Variants in AKAP7 observed in about 807,000 individuals in gnomAD.
AKAP7 encodes A kinase (PRKA) anchor protein 7.
In AKAP7, 39 loss-of-function variants were observed where a neutral mutation model predicts 39.5. That is an observed-to-expected ratio of 0.99 (90% confidence interval 0.76 to 1.29). The LOEUF (loss-of-function observed/expected upper bound fraction) is 1.29. Among genes scored for constraint, AKAP7 ranks in the 50% most tolerant of loss-of-function variants. The probability of loss-of-function intolerance (pLI) is 0.00; values close to 1 mark genes in which losing one functional copy is unlikely to be tolerated. For missense variants in AKAP7, 414 were observed against 407.7 expected (o/e 1.02, Z -0.13); for synonymous variants, 140 against 139.1 (o/e 1.01, Z -0.05).
At chr6:131,163,042 G>A (rs1322176914) in intron 3 of AKAP7, among the ~76,000 whole-genome samples, 3 of 152,038 alleles carry the variant, frequency 2.0e-5, no homozygotes, top group Non-Finnish European at 4.4e-5. Flanking sequence ...CATGGCAAAA[G>A]CGTGTTTCTG....
intron 5 of AKAP7, among the ~76,000 whole-genome samples, chr6:131,193,666 T>C (rs963437387): frequency 2.6e-5 from 4 of 152,174 alleles, no homozygotes; most frequent in African/African-American, 9.6e-5. Flanking sequence ...AATTCAGCAG[T>C]GAAGACATCA....
chr6:131,165,255 T>C lies in AKAP7; in HGVS notation c.428+38T>C, dbSNP rs768224151. ...TCTTTCTTAAATATAATTTTCCAAA[T>C]TATTACTTTAATATGAGTAAGCACA... On this transcript the variant is annotated intron_variant, in intron 4 of 7. Transcript: ENST00000431975. 9.9e-6 allele frequency: 15 copies of C among 1,509,504 alleles called. No individual in the cohort carries two copies. The East Asian group carries it at 3.2e-4, about 33-fold the overall frequency. The allele number at this position is 1,509,504 out of a possible 1,614,324, so 93.5% of individuals were successfully genotyped here.
At chr6:131,230,104 G>A (rs35561719) in intron 7 of AKAP7, among the ~76,000 whole-genome samples, 43,507 of 151,838 alleles carry the variant, frequency 0.29, 6,635 homozygotes, top group Middle Eastern at 0.39. Flanking sequence ...TCATCTGGGT[G>A]TATACCCAGT....
chr6:131,254,881 A>C (rs142863471), intron 7 of AKAP7, among the ~76,000 whole-genome samples: 19 of 152,318 alleles, frequency 1.2e-4, no homozygotes, highest in African/African-American at 4.6e-4. Context: ...TACTGGGACC[A>C]TTTATAGTAC....
intron 3 of AKAP7, among the ~76,000 whole-genome samples, chr6:131,164,151 T>A (rs868072931): frequency 6.6e-6 from 1 of 152,206 alleles, no homozygotes; most frequent in Middle Eastern, 3.4e-3. Flanking sequence ...ATCTCTGCTT[T>A]TTTATGGATT....
At chr6:131,164,475 T>C (rs1486978225) in intron 3 of AKAP7, 1 of 455,582 alleles carries the variant, frequency 2.2e-6, no homozygotes, top group Non-Finnish European at 4.4e-6. Context: ...ATTCTGTTTT[T>C]CTAATGTGTG....
Position 131,199,584 on chromosome 6 carries a change from G to T in AKAP7, c.702+11G>T. The T allele has an allele frequency of 6.4e-7, 1 of 1,559,492 alleles. No individual in the cohort carries two copies. ...TGGCTCCGTAAGAATGTGAGTGCATGTTCTTATTGCAAGCCTGTTTTACCA... is the reference window on the plus strand; with the variant it reads ...TGGCTCCGTAAGAATGTGAGTGCATTTTCTTATTGCAAGCCTGTTTTACCA... On this transcript the variant is annotated intron_variant, in intron 6 of 7. Transcript: ENST00000431975.
Position 131,143,964 on chromosome 6 carries a change from T to G in AKAP7, c.20-1321T>G, listed in dbSNP as rs533176169. The stretch of plus-strand genomic sequence containing the variant: ...TAAGATTAGGGAGTGGTGATGACTC[T>G]TAACGAGCATGCTGCCTTCAAGCAT... On this transcript the variant is annotated intron_variant, in intron 1 of 7. Coordinates refer to ENST00000431975, the MANE Select transcript of AKAP7 (RefSeq NM_016377.4). Among the ~76,000 whole-genome samples, 7 of 138,492 alleles carry G rather than the reference T, an allele frequency of 5.1e-5. No individual in the cohort carries two copies. The South Asian group carries it at 1.5e-3, about 31-fold the overall frequency. The allele number at this position is 138,492 out of a possible 152,430, so 90.9% of individuals were successfully genotyped here.
At chr6:131,233,607 G>T (rs1810806057) in intron 7 of AKAP7, among the ~76,000 whole-genome samples, 1 of 152,098 alleles carries the variant, frequency 6.6e-6, no homozygotes, top group Non-Finnish European at 1.5e-5. Flanking sequence ...GTGACTTATG[G>T]TAGGGTTAGT....
Position 131,219,787 on chromosome 6 carries a change from T to G in AKAP7, c.829T>G (p.Cys277Gly). The change falls in exon 7 of 8, where the codon TGT becomes GGT. Residue 277 changes from cysteine (C) to glycine (G), a missense_variant. Transcript: ENST00000431975. ...AAAACAAAGTAATGGTTATTATCACTGTGAATCTTCCATTGTGATTGGTGA... is the reference window on the plus strand; with the variant it reads ...AAAACAAAGTAATGGTTATTATCACGGTGAATCTTCCATTGTGATTGGTGA... ...KKKQSNGYYHCESSIVIGEKN... is the reference protein window; with the variant it reads ...KKKQSNGYYHGESSIVIGEKN... 1.3e-6 allele frequency: 2 copies of G among 1,575,972 alleles called. No homozygotes were observed. The highest frequency in any genetic ancestry group is 1.7e-6 in the Non-Finnish European group (2 of 1,163,852).
At chr6:131,248,646 G>A (rs1356563556) in intron 7 of AKAP7, among the ~76,000 whole-genome samples, 1 of 152,178 alleles carries the variant, frequency 6.6e-6, no homozygotes, top group Non-Finnish European at 1.5e-5. Flanking sequence ...TCCTAGCTGG[G>A]TAGTGGCAGT....
In AKAP7 at chr6:131,283,394, T is replaced by A. The variant is rs1408441944; in HGVS notation, c.*1668T>A. 6.6e-6 allele frequency: 1 copy of A among 152,614 alleles called. No individual in the cohort carries two copies. The highest frequency in any genetic ancestry group is 2.4e-5 in the African/African-American group (1 of 41,454). The allele number at this position is 152,614 out of a possible 1,614,324, so 9.5% of individuals were successfully genotyped here. A position where few individuals can be genotyped will look rare whatever the true frequency, so the allele number is the denominator to read the frequency against. On this transcript the variant is annotated 3_prime_UTR_variant, in exon 8 of 8. Transcript: ENST00000431975. The stretch of plus-strand genomic sequence containing the variant: ...GGAGGGGAAATCACTGGAGATCAAA[T>A]ATGTAAAATCATTTCAAATATAAAA...
At chr6:131,216,758 TG>T (rs1809218724) in intron 6 of AKAP7, among the ~76,000 whole-genome samples, 2 of 152,206 alleles carry the variant, frequency 1.3e-5, no homozygotes, top group Non-Finnish European at 2.9e-5. Context: ...GTTGCATAAT[TG>T]AAATGTCACT....
upstream of AKAP7, among the ~76,000 whole-genome samples, chr6:131,133,806 G>A (rs1486154849): frequency 1.3e-5 from 2 of 152,190 alleles, no homozygotes; most frequent in Admixed American, 1.3e-4. Context: ...TTAGAACTGG[G>A]GGCTTCTATA....
intron 2 of AKAP7, among the ~76,000 whole-genome samples, chr6:131,153,416 T>C (rs1294508026): frequency 3.3e-5 from 5 of 152,232 alleles, no homozygotes. Context: ...ACAAACCATG[T>C]CCTACTTTAT....
chr6:131,163,147 G>T (rs1803155026), intron 3 of AKAP7, among the ~76,000 whole-genome samples: 1 of 152,180 alleles, frequency 6.6e-6, no homozygotes. Flanking sequence ...TGGTTTTGGA[G>T]GAGGTAGGGT....
intron 5 of AKAP7, among the ~76,000 whole-genome samples, chr6:131,178,512 A>T (rs1446618699): frequency 6.6e-6 from 1 of 151,818 alleles, no homozygotes; most frequent in Non-Finnish European, 1.5e-5. Context: ...CCCATACACC[A>T]CTCTGCCATT....
the AKAP7 span, among the ~76,000 whole-genome samples, chr6:131,129,574 G>T: frequency 6.6e-6 from 1 of 152,000 alleles, no homozygotes; most frequent in Non-Finnish European, 1.5e-5. Context: ...TAAAATTTTA[G>T]ATTTGTAGTT....
intron 6 of AKAP7, among the ~76,000 whole-genome samples, chr6:131,214,740 G>C (rs1010497363): frequency 6.6e-6 from 1 of 151,878 alleles, no homozygotes; most frequent in African/African-American, 2.4e-5. Flanking sequence ...AGAATGCTAG[G>C]GATTCCCAAA....
Sources: gnomAD v4.1 joint callset for allele counts (sites outside exome capture counted in the v4.1 genomes callset) on GRCh38, gnomAD v4.1.1 for gene constraint, MANE v1.5 for transcripts, NCBI Gene and HGNC (gene_info 2026-07-23, HGNC 2026-07-21) for gene names.